Variants in PITPNC1 observed in about 807,000 individuals in gnomAD.
PITPNC1 encodes phosphatidylinositol transfer protein cytoplasmic 1, also known as cytoplasmic phosphatidylinositol transfer protein 1.
A neutral mutation model predicts 44.7 loss-of-function variants in PITPNC1; 18 were observed. The observed-to-expected ratio is 0.40, with a 90% CI of 0.28 to 0.60. The LOEUF (loss-of-function observed/expected upper bound fraction) is 0.60, where lower values mean the gene tolerates loss of function less well. Ranked by LOEUF, PITPNC1 falls within the 20% of genes least tolerant of loss-of-function variation. The probability of loss-of-function intolerance (pLI) is 0.39; values close to 1 mark genes in which losing one functional copy is unlikely to be tolerated. For synonymous variants in PITPNC1, 141 were observed against 149.6 expected (o/e 0.94, Z 0.42); for missense variants, 290 against 418.4 (o/e 0.69, Z 2.68).
At chr17:67,579,614 A>ATTTTTTT (rs558310588) in intron 5 of PITPNC1, among the ~76,000 whole-genome samples, 3 of 88,806 alleles carry the variant, frequency 3.4e-5, no homozygotes, top group African/African-American at 4.8e-5. Context: ...TAAAATAGTG[A>ATTTTTTT]TTTTTTTTTT....
rs1598623717 is a variant in PITPNC1, at chr17:67,406,729, G to T, written c.48+28527G>T. Among the ~76,000 whole-genome samples the T allele has an allele frequency of 3.3e-5, 5 of 151,924 alleles. No individual in the cohort carries two copies. The South Asian group carries it at 1.0e-3, about 32-fold the overall frequency. On this transcript the variant is annotated intron_variant, in intron 1 of 8. Transcript: ENST00000581322. Reference sequence around the variant, plus strand: ...AGCCTCCCGAGTAGCTGGGATTACAGATGTGTGCCACCATGCCCGGCTAAT... The same window carrying T: ...AGCCTCCCGAGTAGCTGGGATTACATATGTGTGCCACCATGCCCGGCTAAT...
At chr17:67,598,615 C>T (rs2041491011) in intron 5 of PITPNC1, among the ~76,000 whole-genome samples, 3 of 152,126 alleles carry the variant, frequency 2.0e-5, no homozygotes, top group East Asian at 1.9e-4. Context: ...TCTGCCCAGG[C>T]ATGGTGGCTT....
chr17:67,543,000 G>T (rs375488872), intron 2 of PITPNC1, among the ~76,000 whole-genome samples: 4 of 152,318 alleles, frequency 2.6e-5, no homozygotes, highest in African/African-American at 9.6e-5. Context: ...GTCTGTGGGG[G>T]ATGAGTGGCA....
chr17:67,551,998 A>G (rs2040770473), intron 2 of PITPNC1, among the ~76,000 whole-genome samples: 1 of 152,206 alleles, frequency 6.6e-6, no homozygotes, highest in African/African-American at 2.4e-5. Flanking sequence ...TTGCAAATCC[A>G]AAGAGGACAG....
chr17:67,599,023 TATATATA>T (rs1304662943), intron 5 of PITPNC1, among the ~76,000 whole-genome samples: 19 of 35,144 alleles, frequency 5.4e-4, no homozygotes, highest in African/African-American at 2.0e-3. Flanking sequence ...TATATATATA[TATATATA>T]TATATTTTTT....
chr17:67,540,417 T>C (rs528031502), intron 2 of PITPNC1, among the ~76,000 whole-genome samples: 1 of 152,178 alleles, frequency 6.6e-6, no homozygotes, highest in East Asian at 1.9e-4. Context: ...TTCCTTTTTT[T>C]AAAAGAAGAA....
chr17:67,628,595 G>A (rs138703597), intron 5 of PITPNC1, among the ~76,000 whole-genome samples: 6 of 152,318 alleles, frequency 3.9e-5, no homozygotes, highest in African/African-American at 7.2e-5. Context: ...GGAAGTTCAC[G>A]AGGTTGACCT....
At chr17:67,479,356 A>T (rs1430904456) in intron 1 of PITPNC1, among the ~76,000 whole-genome samples, 2 of 152,276 alleles carry the variant, frequency 1.3e-5, no homozygotes, top group African/African-American at 4.8e-5. Context: ...GTCAGGCCAT[A>T]GGTTTTTCCC....
intron 1 of PITPNC1, among the ~76,000 whole-genome samples, chr17:67,468,177 G>C (rs1241394054): frequency 6.6e-6 from 1 of 152,188 alleles, no homozygotes; most frequent in Non-Finnish European, 1.5e-5. Context: ...GGGTTATTTA[G>C]AGTCGTAGAA....
chr17:67,693,122 A>G lies in PITPNC1; in HGVS notation c.*234A>G. 4.2e-6 allele frequency: 2 copies of G among 477,408 alleles called. No individual in the cohort carries two copies. Among genetic ancestry groups the G allele is most frequent in the Non-Finnish European group, 3.7e-6 (1 of 272,678 alleles). 29.6% of individuals were successfully genotyped at this position (477,408 alleles called of 1,614,324 possible). On this transcript the variant is annotated 3_prime_UTR_variant, in exon 9 of 9. Transcript: ENST00000581322. ...CAAAGGACAGAAGGAATCTTCTGTA[A>G]CCACATAGCTGTATGCCAGAGAGGA...
intron 1 of PITPNC1, among the ~76,000 whole-genome samples, chr17:67,451,849 G>A (rs772712722): frequency 6.6e-6 from 1 of 151,926 alleles, no homozygotes; most frequent in Non-Finnish European, 1.5e-5. Context: ...TGCTAGCCAG[G>A]ATGGTCTCAA....
At chr17:67,511,559 A>G (rs1337399789) in intron 1 of PITPNC1, among the ~76,000 whole-genome samples, 3 of 152,074 alleles carry the variant, frequency 2.0e-5, no homozygotes, top group Admixed American at 6.6e-5. Flanking sequence ...CTCAGGCTGG[A>G]GTGCAGTGGT....
At chr17:67,658,265 T>C (rs2042296014) in intron 6 of PITPNC1, among the ~76,000 whole-genome samples, 2 of 152,222 alleles carry the variant, frequency 1.3e-5, no homozygotes, top group Admixed American at 6.5e-5. Context: ...TCAGACCAGA[T>C]TGAGAACTGG....
At position 67,634,121 on chromosome 17, in the gene PITPNC1, G is replaced by T. The variant is rs866913565; in HGVS notation, c.462+1883G>T. Among the ~76,000 whole-genome samples, 17 of 152,172 alleles carry T rather than the reference G, an allele frequency of 1.1e-4. No homozygotes were observed. In the South Asian group the frequency reaches 2.1e-3, roughly 19 times the overall value. ...GACATTCGAGGAGCTTTTCCTTCATGCTTCACAGGGTCACTCATGGGCACG... is the reference window on the plus strand; with the variant it reads ...GACATTCGAGGAGCTTTTCCTTCATTCTTCACAGGGTCACTCATGGGCACG... On this transcript the variant is annotated intron_variant, in intron 6 of 8. Transcript: ENST00000581322.
intron 1 of PITPNC1, among the ~76,000 whole-genome samples, chr17:67,419,634 A>G (rs1445578722): frequency 2.0e-5 from 3 of 152,216 alleles, no homozygotes; most frequent in Non-Finnish European, 4.4e-5. Context: ...GGCCAGGCGC[A>G]GTGGCTCAAG....
chr17:67,519,179 T>TC (rs2040295313), intron 1 of PITPNC1, among the ~76,000 whole-genome samples: 1 of 144,886 alleles, frequency 6.9e-6, no homozygotes, highest in East Asian at 2.0e-4. Context: ...CTGTTTTTTT[T>TC]TTTTTTTTTT....
intron 7 of PITPNC1, among the ~76,000 whole-genome samples, chr17:67,670,702 G>C (rs1320325515): frequency 7.4e-6 from 1 of 135,478 alleles, no homozygotes; most frequent in Admixed American, 8.2e-5. Flanking sequence ...AGTGAGCCAA[G>C]ATCGTGCTGC....
intron 6 of PITPNC1, among the ~76,000 whole-genome samples, chr17:67,657,350 G>A (rs2042283085): frequency 6.6e-6 from 1 of 152,120 alleles, no homozygotes; most frequent in East Asian, 1.9e-4. Flanking sequence ...ATCAACAGCT[G>A]TAGATATGAC....
intron 5 of PITPNC1, among the ~76,000 whole-genome samples, chr17:67,593,625 C>T (rs1417203647): frequency 6.6e-6 from 1 of 152,184 alleles, no homozygotes; most frequent in African/African-American, 2.4e-5. Context: ...TCTCAAACTC[C>T]TGGGCTCAAG....
Sources: gnomAD v4.1 joint callset for allele counts (sites outside exome capture counted in the v4.1 genomes callset) on GRCh38, gnomAD v4.1.1 for gene constraint, MANE v1.5 for transcripts, NCBI Gene and HGNC (gene_info 2026-07-23, HGNC 2026-07-21) for gene names.